Variants in BRD3 observed in about 807,000 individuals in gnomAD.
The protein encoded by BRD3 is bromodomain-containing protein 3.
BRD3 carries 17 observed loss-of-function variants against 66.8 expected under a neutral mutation model. The ratio of observed to expected loss-of-function variants is 0.25; its 90% CI spans 0.17 to 0.38. BRD3 has a LOEUF of 0.38. Ranked by LOEUF, BRD3 falls within the 10% of genes least tolerant of loss-of-function variation. BRD3 has a pLI of 1.00. For missense variants in BRD3, 713 were observed against 956.1 expected, an observed-to-expected ratio of 0.75 and a Z score of 3.35; for synonymous variants, 421 against 393.2, an observed-to-expected ratio of 1.07 and a Z score of -0.84.
rs1482424333 is a variant in BRD3, at chr9:134,032,045, G to A, written c.*1545C>T. On this transcript the variant is annotated 3_prime_UTR_variant, in exon 12 of 12. Transcript: ENST00000303407. ...TGGCCAGGCCACTGGAGGCTGGCAG[G>A]GAGCAGGCATGTCCACCCGCAAGCC... The A allele has an allele frequency of 1.8e-5, 4 of 217,726 alleles. No individual in the cohort carries two copies. The highest frequency in any genetic ancestry group is 1.2e-4 in the Admixed American group (2 of 17,264). 13.5% of individuals were successfully genotyped at this position (217,726 alleles called of 1,614,324 possible).
At chr9:134,043,556 G>A (rs1262859944) in intron 7 of BRD3, among the ~76,000 whole-genome samples, 1 of 152,202 alleles carries the variant, frequency 6.6e-6, no homozygotes, top group African/African-American at 2.4e-5. Flanking sequence ...GTCCCCAGAG[G>A]CAACCCAACC....
chr9:134,067,397 G>T (rs1221300065), intron 1 of BRD3, among the ~76,000 whole-genome samples: 2 of 114,330 alleles, frequency 1.7e-5, no homozygotes, highest in Non-Finnish European at 4.3e-5. Context: ...CCAGGCGCGG[G>T]CCCCAGCAAC....
rs369294776 is a variant in BRD3, at chr9:134,051,767, G to A, written c.352-58C>T. The A allele has an allele frequency of 2.1e-5, 32 of 1,542,416 alleles. No individual in the cohort carries two copies. In the East Asian group the frequency reaches 4.7e-4, roughly 23 times the overall value. On this transcript the variant is annotated intron_variant, in intron 3 of 11. Transcript: ENST00000303407. ...GGAAAGGAGCTGTGTGCTTGCAAAG[G>A]ACATTATTAGTTGTAGCTCAAAAAA...
chr9:134,041,802 C>T lies in BRD3; in HGVS notation c.1365G>A (p.Ser455=), dbSNP rs1473697207. 5.6e-6 allele frequency: 9 copies of T among 1,612,452 alleles called. No individual in the cohort carries two copies. The East Asian group carries it at 8.9e-5, about 16-fold the overall frequency. The part of the protein sequence containing the change: ...ESSSDSGSSD[S]EEERATRLAE... ...CCAGCCTGGTGGCCCGCTCCTCCTC[C>T]GAGTCCGAGCTGCCTGAGTCCGAAG... Residue 455 remains serine (S), a synonymous_variant, in exon 8 of 12, where the codon TCG becomes TCA. Coordinates refer to ENST00000303407, the MANE Select transcript of BRD3 (RefSeq NM_007371.4).
chr9:134,058,160 C>A (rs931185864), intron 1 of BRD3: 1 of 152,346 alleles, frequency 6.6e-6, no homozygotes, highest in African/African-American at 2.4e-5. Context: ...CATGCGCAGG[C>A]ATGAGAGTCA....
chr9:134,061,395 G>A (rs755121471), intron 1 of BRD3, among the ~76,000 whole-genome samples: 13 of 152,252 alleles, frequency 8.5e-5, no homozygotes, highest in Non-Finnish European at 1.5e-4. Context: ...TCCAGCTATA[G>A]CATGAGTCTG....
In BRD3 at chr9:134,048,171, G is replaced by A. The variant is rs1830216087; in HGVS notation, c.998C>T (p.Pro333Leu). 6.2e-7 allele frequency: 1 copy of A among 1,611,966 alleles called. No individual in the cohort carries two copies. The highest frequency in any genetic ancestry group is 1.7e-5 in the Admixed American group (1 of 59,900). The change falls in exon 6 of 12, where the codon CCC (proline) becomes CTC (leucine). Residue 333 changes from proline to leucine, a missense_variant. Pro to Leu is a moderately conservative substitution (Grantham distance 98). Coordinates refer to ENST00000303407, the MANE Select transcript of BRD3 (RefSeq NM_007371.4). Reference protein sequence around the residue: ...LSKKHAAYAWPFYKPVDAEAL... With the variant: ...LSKKHAAYAWLFYKPVDAEAL... ...CTCGGCATCCACTGGCTTGTAGAAG[G>A]GCCAGGCGTAGGCCGCGTGCTTCTT... is the stretch of plus-strand genomic sequence containing the variant.
At chr9:134,057,625 T>C (rs1468495772) in intron 1 of BRD3, 1 of 152,274 alleles carries the variant, frequency 6.6e-6, no homozygotes, top group Non-Finnish European at 1.5e-5. Context: ...ACCTCCGGAA[T>C]GCCACCTGAG....
At chr9:134,051,843 A>ATG in intron 3 of BRD3, 134 bp from the exon 4 acceptor site, 1 of 762,644 alleles carries the variant, frequency 1.3e-6, no homozygotes, top group South Asian at 1.9e-5. Flanking sequence ...AACAAAATGA[A>ATG]TATATGTGTG....
Position 134,031,264 on chromosome 9 carries a change from C to T in BRD3, c.*2326G>A, listed in dbSNP as rs1843507717. 4 of 210,444 alleles carry T rather than the reference C, an allele frequency of 1.9e-5. No homozygotes were observed. Among genetic ancestry groups the T allele is most frequent in the South Asian group, 1.9e-4 (1 of 5,274 alleles). 13.0% of individuals were successfully genotyped at this position (210,444 alleles called of 1,614,324 possible). ...CTGCTGCGCTGCCCCCACAGCCGGC[C>T]GCTCCCCCGACGGCTCACACAGGCA... is the stretch of plus-strand genomic sequence containing the variant. On this transcript the variant is annotated 3_prime_UTR_variant, in exon 12 of 12. Transcript: ENST00000303407.
Position 134,045,012 on chromosome 9 carries a change from C to T in BRD3, c.1215+281G>A, listed in dbSNP as rs1028793951. 1.3e-5 allele frequency among the ~76,000 whole-genome samples: 2 copies of T among 152,216 alleles called. No individual in the cohort carries two copies. Among genetic ancestry groups the T allele is most frequent in the Non-Finnish European group, 2.9e-5 (2 of 68,040 alleles). ...AGCATCTGCCGTCCCACCTGGTACA[C>T]GCACCAGTCCCTGGAGGGAAAGACT... On this transcript the variant is annotated intron_variant, in intron 7 of 11. Transcript: ENST00000303407. The surrounding 1 kb of genome is among the most constrained non-coding windows in gnomAD (Gnocchi z 4.8).
At chr9:134,058,362 G>A (rs896818897) in intron 1 of BRD3, 3 of 152,310 alleles carry the variant, frequency 2.0e-5, no homozygotes, top group African/African-American at 4.8e-5. Context: ...GTGCCACGTG[G>A]ACGAACAGAG....
intron 11 of BRD3, 85 bp downstream of exon 11, chr9:134,034,616 C>A (rs538472005): frequency 2.6e-6 from 4 of 1,552,582 alleles, no homozygotes; most frequent in East Asian, 4.5e-5. Context: ...CACACTCAGA[C>A]GTGGGCCTGC....
At chr9:134,046,453 A>AG (rs1011469471) in intron 6 of BRD3, among the ~76,000 whole-genome samples, 5 of 152,150 alleles carry the variant, frequency 3.3e-5, no homozygotes, top group African/African-American at 1.2e-4. Flanking sequence ...AGTGAGATGG[A>AG]GGGGCCGGGT....
chr9:134,064,384 A>T (rs534143663), intron 1 of BRD3, among the ~76,000 whole-genome samples: 370 of 69,902 alleles, frequency 5.3e-3, no homozygotes, highest in African/African-American at 0.019. Flanking sequence ...AAAAAAAATT[A>T]AAAAAAATAG....
chr9:134,049,230 G>T lies in BRD3; in HGVS notation c.715-776C>A, dbSNP rs1830240612. On this transcript the variant is annotated intron_variant, in intron 5 of 11. Coordinates refer to ENST00000303407, the MANE Select transcript of BRD3 (RefSeq NM_007371.4). ...GGGGGTGTGCAGGTCTCTCTGGGCA[G>T]CCTGCAAGGGCCTCAGCACCCAGCA... Among the ~76,000 whole-genome samples the T allele has an allele frequency of 3.9e-5, 6 of 152,302 alleles. No individual in the cohort carries two copies. The South Asian group carries it at 1.2e-3, about 32-fold the overall frequency.
Position 134,030,853 on chromosome 9 carries a change from C to G in BRD3, c.*2737G>C. On this transcript the variant is annotated 3_prime_UTR_variant, in exon 12 of 12. Coordinates refer to ENST00000303407, the MANE Select transcript of BRD3 (RefSeq NM_007371.4). ...GCCTCCAGGGGTCATTCAGAGTGTT[C>G]TCAAATCCAATTCCGACACACGACT... 1 of 232,544 alleles carries G rather than the reference C, an allele frequency of 4.3e-6. No homozygotes were observed. The highest frequency in any genetic ancestry group is 8.5e-6 in the Non-Finnish European group (1 of 117,586). The allele number at this position is 232,544 out of a possible 1,614,324, so 14.4% of individuals were successfully genotyped here.
At chr9:134,062,992 T>C (rs1268891535) in intron 1 of BRD3, among the ~76,000 whole-genome samples, 1 of 152,168 alleles carries the variant, frequency 6.6e-6, no homozygotes, top group Non-Finnish European at 1.5e-5. Context: ...CATCCATCTG[T>C]CTGCTCCATC....
In BRD3 at chr9:134,033,838, A is replaced by G. The variant is rs867086006; in HGVS notation, c.2066-133T>C. The G allele has an allele frequency of 3.9e-5, 23 of 587,414 alleles. No individual in the cohort carries two copies. The highest frequency in any genetic ancestry group is 4.5e-4 in the Middle Eastern group (1 of 2,244). 36.4% of individuals were successfully genotyped at this position (587,414 alleles called of 1,614,324 possible). On this transcript the variant is annotated intron_variant, in intron 11 of 11. Coordinates refer to ENST00000303407, the MANE Select transcript of BRD3 (RefSeq NM_007371.4). This position sits in a 1 kb window ranked among gnomAD's most constrained non-coding sequence, Gnocchi z 5.1. ...ACCCACTTCCTGACCCAGTCGTTTAATAAGTATTTATTGAAATTAATCAGG... is the reference window on the plus strand; with the variant it reads ...ACCCACTTCCTGACCCAGTCGTTTAGTAAGTATTTATTGAAATTAATCAGG...
Sources: allele counts gnomAD v4.1 joint callset (sites outside exome capture counted in the v4.1 genomes callset), GRCh38; gene constraint gnomAD v4.1.1; non-coding constraint Gnocchi (gnomAD v3.1); transcripts MANE v1.5; gene names NCBI Gene and HGNC (gene_info 2026-07-23, HGNC 2026-07-21).